Variants in STPG2 observed in about 807,000 individuals in gnomAD.
STPG2 encodes the protein sperm-tail PG-rich repeat-containing protein 2.
Under a neutral mutation model 54.2 loss-of-function variants are expected in STPG2, and 56 were observed. The ratio of observed to expected loss-of-function variants is 1.03; its 90% CI spans 0.83 to 1.29. The LOEUF (loss-of-function observed/expected upper bound fraction) is 1.29. Ranked by LOEUF, STPG2 falls within the 50% of genes most tolerant of loss-of-function variation. The pLI, the probability that STPG2 is intolerant of heterozygous loss-of-function variation, is 0.00. For synonymous variants in STPG2, 200 were observed against 181.8 expected (o/e 1.10, Z -0.81); for missense variants, 596 against 544.9 (o/e 1.09, Z -0.93).
chr4:97,506,609 A>C (rs1423450292), intron 4 of STPG2, among the ~76,000 whole-genome samples: 4 of 152,018 alleles, frequency 2.6e-5, no homozygotes, highest in Non-Finnish European at 5.9e-5. Context: ...AATGATGTAC[A>C]TGGAGAATTA....
rs71588916 is a variant in STPG2 at position 97,786,197 on chromosome 4, T to TAA, written c.1204+54574_1204+54575dup. ...CTGCCATAGACATGAGTTTGCCAAT[T>TAA]AAAAAAAAAAAAATCTTACCAGGAT... On this transcript the variant is annotated intron_variant, in intron 9 of 10. Transcript: ENST00000295268. 8.8e-5 allele frequency among the ~76,000 whole-genome samples: 13 copies of TAA among 147,978 alleles called. No individual in the cohort carries two copies. In the South Asian group the frequency reaches 1.5e-3, roughly 17 times the overall value.
intron 5 of STPG2, among the ~76,000 whole-genome samples, chr4:98,018,962 C>G (rs1736071982): frequency 6.6e-6 from 1 of 151,540 alleles, no homozygotes; most frequent in Non-Finnish European, 1.5e-5. Flanking sequence ...CTCCCAATTT[C>G]TAGGTTGCCT....
intron 8 of STPG2, among the ~76,000 whole-genome samples, chr4:97,903,944 GTCCTACGCCCACAGAGTCTCGCTGATTGC>G (rs1169762317): frequency 6.6e-6 from 1 of 152,202 alleles, no homozygotes; most frequent in Non-Finnish European, 1.5e-5. Context: ...GGCTCAGAGA[GTCCTACGCCCACAGAGTCTCGCTGATTGC>G]TAGCACAGCA....
chr4:97,977,281 A>T, intron 6 of STPG2, among the ~76,000 whole-genome samples: 1 of 152,198 alleles, frequency 6.6e-6, no homozygotes. Flanking sequence ...CTATAGCTAA[A>T]CTGCTATAAC....
At chr4:97,758,643 C>T (rs183782) in intron 9 of STPG2, among the ~76,000 whole-genome samples, 24,457 of 151,748 alleles carry the variant, frequency 0.16, 2,145 homozygotes, top group East Asian at 0.36. Flanking sequence ...GGAGAGGGGA[C>T]GGAGAGCATT....
At chr4:98,082,696 C>T (rs1002278866) in intron 5 of STPG2, among the ~76,000 whole-genome samples, 7 of 151,860 alleles carry the variant, frequency 4.6e-5, no homozygotes, top group African/African-American at 1.7e-4. Flanking sequence ...TCATGATCCG[C>T]CTGCCTCGGC....
intron 10 of STPG2, among the ~76,000 whole-genome samples, chr4:97,580,353 C>T (rs918366490): frequency 3.3e-5 from 5 of 151,860 alleles, no homozygotes; most frequent in Non-Finnish European, 4.4e-5. Context: ...TGCTATAGAA[C>T]AAGACATAAA....
Position 97,885,835 on chromosome 4 carries a change from G to C in STPG2, c.1045-44903C>G, listed in dbSNP as rs1730543621. On this transcript the variant is annotated intron_variant, in intron 8 of 10. Coordinates refer to ENST00000295268, the MANE Select transcript of STPG2 (RefSeq NM_174952.3). ...GTGGTACAACTGTAAATCAAAATTAGCAAAACTCACAAACAACTTGAGAAA... is the reference window on the plus strand; with the variant it reads ...GTGGTACAACTGTAAATCAAAATTACCAAAACTCACAAACAACTTGAGAAA... Among the ~76,000 whole-genome samples the C allele has an allele frequency of 2.0e-5, 3 of 151,694 alleles. No individual in the cohort carries two copies. The South Asian group carries it at 6.3e-4, about 32-fold the overall frequency.
intron 10 of STPG2, among the ~76,000 whole-genome samples, chr4:97,635,208 T>G (rs1441636623): frequency 6.6e-6 from 1 of 152,056 alleles, no homozygotes; most frequent in African/African-American, 2.4e-5. Context: ...AGAAAAGAAT[T>G]TTCAACCCAG....
At chr4:97,630,801 A>G (rs1046963024) in intron 10 of STPG2, among the ~76,000 whole-genome samples, 1 of 151,872 alleles carries the variant, frequency 6.6e-6, no homozygotes, top group Non-Finnish European at 1.5e-5. Context: ...TTAATCTAAA[A>G]AATCATTTAA....
chr4:98,094,255 T>A (rs1008930263), intron 5 of STPG2, among the ~76,000 whole-genome samples: 2 of 152,182 alleles, frequency 1.3e-5, no homozygotes, highest in Non-Finnish European at 2.9e-5. Flanking sequence ...ATGATATTTC[T>A]AGACACACCC....
At chr4:98,142,470 C>A (rs1301596875) in intron 1 of STPG2, among the ~76,000 whole-genome samples, 3 of 151,880 alleles carry the variant, frequency 2.0e-5, no homozygotes, top group African/African-American at 7.3e-5. Context: ...ATCCCCACTC[C>A]ACTGGTCAAA....
chr4:97,941,277 A>T (rs906077585), intron 8 of STPG2, among the ~76,000 whole-genome samples: 1 of 152,064 alleles, frequency 6.6e-6, no homozygotes, highest in African/African-American at 2.4e-5. Flanking sequence ...AAAATGAAAA[A>T]AAAAGTGAAA....
chr4:97,637,783 C>T (rs907100199), intron 10 of STPG2, among the ~76,000 whole-genome samples: 5 of 152,084 alleles, frequency 3.3e-5, no homozygotes, highest in African/African-American at 1.2e-4. Flanking sequence ...ATCCAACTTA[C>T]AAGGGATGTG....
intron 7 of STPG2, among the ~76,000 whole-genome samples, chr4:97,956,250 G>C (rs1395738986): frequency 1.3e-5 from 2 of 152,030 alleles, no homozygotes; most frequent in Non-Finnish European, 2.9e-5. Flanking sequence ...AATGCTTATT[G>C]TAATTTTCAT....
Position 98,143,323 on chromosome 4 carries a change from A to G in STPG2, c.-173T>C. ...GTTGTCTCCCCGCCCGCTCATTGAT[A>G]CCAGATTTCCTCAAATCGATTTCTA... On this transcript the variant is annotated 5_prime_UTR_variant, in exon 1 of 11. Coordinates refer to ENST00000295268, the MANE Select transcript of STPG2 (RefSeq NM_174952.3). The G allele has an allele frequency of 1.7e-6, 1 of 586,958 alleles. No homozygotes were observed. Among genetic ancestry groups the G allele is most frequent in the Non-Finnish European group, 3.0e-6 (1 of 328,178 alleles). The allele number at this position is 586,958 out of a possible 1,614,324, so 36.4% of individuals were successfully genotyped here. A position where few individuals can be genotyped will look rare whatever the true frequency, so the allele number is the denominator to read the frequency against.
chr4:97,865,696 T>C (rs549977506), intron 8 of STPG2, among the ~76,000 whole-genome samples: 16 of 151,548 alleles, frequency 1.1e-4, no homozygotes, highest in African/African-American at 3.9e-4. Flanking sequence ...CATCGGGGCC[T>C]GTTGTGGGGT....
intron 7 of STPG2, among the ~76,000 whole-genome samples, chr4:97,959,527 A>C (rs1329791099): frequency 6.6e-6 from 1 of 152,142 alleles, no homozygotes; most frequent in South Asian, 2.1e-4. Flanking sequence ...ACATATTACA[A>C]CTGACACCAC....
chr4:98,142,787 A>T (rs1740335177), intron 1 of STPG2, among the ~76,000 whole-genome samples: 1 of 152,138 alleles, frequency 6.6e-6, no homozygotes, highest in Non-Finnish European at 1.5e-5. Context: ...GCACAATCAA[A>T]AGTAGGATGT....
Sources: gnomAD v4.1 joint callset for allele counts (sites outside exome capture counted in the v4.1 genomes callset) on GRCh38, gnomAD v4.1.1 for gene constraint, MANE v1.5 for transcripts, NCBI Gene and HGNC (gene_info 2026-07-23, HGNC 2026-07-21) for gene names.